Variants in PHLPP2 observed in about 807,000 individuals in gnomAD.
The protein encoded by PHLPP2 is PH domain and leucine rich repeat protein phosphatase 2, also known as PH domain leucine-rich repeat-containing protein phosphatase 2.
Under a neutral mutation model 124.9 loss-of-function variants are expected in PHLPP2, and 66 were observed. That is an observed-to-expected ratio of 0.53 (90% CI 0.43 to 0.65). PHLPP2 has a LOEUF of 0.65. Among genes scored for constraint, PHLPP2 ranks in the 30% least tolerant of loss-of-function variants. The probability of loss-of-function intolerance (pLI) is 0.00; values close to 1 mark genes in which losing one functional copy is unlikely to be tolerated. For missense variants in PHLPP2, 1,685 were observed against 1,600.4 expected (o/e 1.05, Z -0.90); for synonymous variants, 681 against 624.7 (o/e 1.09, Z -1.34).
intron 2 of PHLPP2, among the ~76,000 whole-genome samples, chr16:71,708,562 G>A (rs1163287095): frequency 2.0e-5 from 3 of 152,102 alleles, no homozygotes; most frequent in Non-Finnish European, 2.9e-5. Flanking sequence ...CTCTTCGCAC[G>A]GATGTCCCTG....
intron 3 of PHLPP2, among the ~76,000 whole-genome samples, chr16:71,696,598 G>A (rs955376348): frequency 6.6e-6 from 1 of 150,812 alleles, no homozygotes; most frequent in Non-Finnish European, 1.5e-5. Context: ...GATTGCACCC[G>A]GCCTAGACGA....
intron 3 of PHLPP2, among the ~76,000 whole-genome samples, chr16:71,695,357 G>C (rs906551538): frequency 3.3e-5 from 5 of 152,196 alleles, no homozygotes; most frequent in African/African-American, 1.2e-4. Flanking sequence ...CCATCACTAA[G>C]GAGATGGTTA....
intron 16 of PHLPP2, 74 bp from the exon 17 acceptor site, chr16:71,655,508 T>G: frequency 8.8e-7 from 1 of 1,135,934 alleles, no homozygotes; most frequent in East Asian, 2.5e-5. Flanking sequence ...GCATTCTTTT[T>G]TTTTTTTTTT....
Position 71,658,302 on chromosome 16 carries a change from G to A in PHLPP2, c.2210C>T (p.Thr737Ile), listed in dbSNP as rs1596990040. Residue 737 changes from threonine (T) to isoleucine (I), a missense_variant, in exon 15 of 19, where the codon ACA (threonine) becomes ATA (isoleucine). Coordinates refer to ENST00000568954, the MANE Select transcript of PHLPP2 (RefSeq NM_015020.3). ...TCCAGTCAGGTCAAGGTCTTGTAAT[G>A]TAGCAGGCAAAGCCTCTGGAATCAG... ...EILIPEALPA[T>I]LQDLDLTGNT... 6.2e-7 allele frequency: 1 copy of A among 1,613,526 alleles called. No individual in the cohort carries two copies. Among genetic ancestry groups the A allele is most frequent in the Non-Finnish European group, 8.5e-7 (1 of 1,179,470 alleles).
intron 12 of PHLPP2, among the ~76,000 whole-genome samples, chr16:71,666,841 C>T (rs1295671502): frequency 6.6e-6 from 1 of 152,044 alleles, no homozygotes; most frequent in Non-Finnish European, 1.5e-5. Context: ...TCAAAATTGC[C>T]CAAAGAAGCC....
rs1314706880 is a variant in PHLPP2 at position 71,648,645 on chromosome 16, G to C, written c.*245C>G. On this transcript the variant is annotated 3_prime_UTR_variant, in exon 19 of 19. Coordinates refer to ENST00000568954, the MANE Select transcript of PHLPP2 (RefSeq NM_015020.3). Reference sequence around the variant, plus strand: ...AACTTAGCCGGGCATAATGGCAGGTGCCTGTAATCCCAGCTACTCGGGAGG... The same window carrying C: ...AACTTAGCCGGGCATAATGGCAGGTCCCTGTAATCCCAGCTACTCGGGAGG... 4.1e-6 allele frequency: 2 copies of C among 483,596 alleles called. No homozygotes were observed. Among genetic ancestry groups the C allele is most frequent in the African/African-American group, 3.9e-5 (2 of 51,932 alleles). The allele number at this position is 483,596 out of a possible 1,614,324, so 30.0% of individuals were successfully genotyped here.
In PHLPP2 at chr16:71,649,156, A is replaced by T. The variant is rs1360481815; in HGVS notation, c.3706T>A (p.Tyr1236Asn). ...LQKSPSTSCLYGKKLSNGSIV... is the reference protein window; with the variant it reads ...LQKSPSTSCLNGKKLSNGSIV... ...GAGCCATTGGAGAGTTTCTTCCCAT[A>T]GAGGCAGGAGGTGGAGGGAGACTTC... Residue 1236 changes from tyrosine (Y) to asparagine (N), a missense_variant, in exon 19 of 19, where the codon TAT (tyrosine) becomes AAT (asparagine). Tyr to Asn is a moderately radical substitution (Grantham distance 143, BLOSUM62 -2). Coordinates refer to ENST00000568954, the MANE Select transcript of PHLPP2 (RefSeq NM_015020.3). 1 of 1,614,130 alleles carries T rather than the reference A, an allele frequency of 6.2e-7. No individual in the cohort carries two copies.
intron 2 of PHLPP2, among the ~76,000 whole-genome samples, chr16:71,708,392 T>C (rs1020014347): frequency 1.3e-5 from 2 of 152,104 alleles, no homozygotes; most frequent in Admixed American, 1.3e-4. Context: ...CCCCCAACCC[T>C]GCCCGCAAGA....
chr16:71,671,718 T>C (rs897363341), intron 10 of PHLPP2, among the ~76,000 whole-genome samples: 5 of 151,678 alleles, frequency 3.3e-5, no homozygotes, highest in African/African-American at 1.2e-4. Flanking sequence ...ATCCAGACCA[T>C]CCTGGCTAAT....
rs780122420 is a variant in PHLPP2, at chr16:71,656,640, G to C, written c.2321C>G (p.Thr774Ser). ...GGTTGACGTAACTGTAGAATCTGTG[G>C]TTGGCAAAGGTTTCTGATCAATTTT... is the stretch of plus-strand genomic sequence containing the variant. ...TLKIDQKPLP[T>S]TDSTVTSTFW... The change falls in exon 16 of 19, where the codon ACC (threonine) becomes AGC (serine). Residue 774 changes from threonine to serine, a missense_variant. Thr to Ser is a moderately conservative substitution (Grantham distance 58). Transcript: ENST00000568954. 8 of 1,613,606 alleles carry C rather than the reference G, an allele frequency of 5.0e-6. No individual in the cohort carries two copies. The highest frequency in any genetic ancestry group is 4.5e-5 in the East Asian group (2 of 44,874).
chr16:71,665,013 T>C (rs2044826234), intron 12 of PHLPP2, among the ~76,000 whole-genome samples: 1 of 151,806 alleles, frequency 6.6e-6, no homozygotes, highest in South Asian at 2.1e-4. Flanking sequence ...AAAGAGTATA[T>C]GAAATTATAC....
intron 3 of PHLPP2, among the ~76,000 whole-genome samples, chr16:71,696,979 T>C (rs1356509859): frequency 6.6e-6 from 1 of 151,912 alleles, no homozygotes; most frequent in Admixed American, 6.6e-5. Flanking sequence ...ATTCGAGACC[T>C]GGCCAACATG....
intron 2 of PHLPP2, among the ~76,000 whole-genome samples, chr16:71,707,047 G>C (rs1010866429): frequency 6.1e-5 from 9 of 148,554 alleles, no homozygotes; most frequent in Non-Finnish European, 1.0e-4. Flanking sequence ...TCCGCCCCCT[G>C]GGGTTCACGC....
In PHLPP2 at chr16:71,704,307, C is replaced by CAAAAAAAAAAAA. The variant is rs56882820; in HGVS notation, c.285-1588_285-1577dup. Among the ~76,000 whole-genome samples the CAAAAAAAAAAAA allele has an allele frequency of 1.9e-3, 192 of 98,674 alleles. 2 individuals carry two copies. Among genetic ancestry groups the CAAAAAAAAAAAA allele is most frequent in the African/African-American group, 7.7e-3 (187 of 24,208 alleles). The allele number at this position is 98,674 out of a possible 152,430, so 64.7% of individuals were successfully genotyped here. A position where few individuals can be genotyped will look rare whatever the true frequency, so the allele number is the denominator to read the frequency against. On this transcript the variant is annotated intron_variant, in intron 2 of 18. Transcript: ENST00000568954. ...CCTGGGCGACAGTGAGACTCTGTCT[C>CAAAAAAAAAAAA]AAAAAAAAAAAAAAAAAACTTAATA...
intron 9 of PHLPP2, among the ~76,000 whole-genome samples, chr16:71,673,987 T>C (rs921835810): frequency 2.0e-5 from 3 of 152,134 alleles, no homozygotes; most frequent in African/African-American, 7.2e-5. Context: ...AGTTTACAGA[T>C]ACAGAAAAAT....
At chr16:71,679,048 G>T in intron 7 of PHLPP2, 63 bp from the exon 8 acceptor site, 1 of 891,302 alleles carries the variant, frequency 1.1e-6, no homozygotes, top group South Asian at 1.5e-5. Context: ...CACAGAATCA[G>T]AGTTAGGGAT....
At chr16:71,683,081 G>A (rs1043704038) in intron 5 of PHLPP2, among the ~76,000 whole-genome samples, 22 of 151,974 alleles carry the variant, frequency 1.4e-4, no homozygotes, top group African/African-American at 4.6e-4. Flanking sequence ...TGAGGCAGGA[G>A]AACTGCTTGA....
intron 2 of PHLPP2, among the ~76,000 whole-genome samples, chr16:71,708,272 A>C (rs752148972): frequency 7.2e-5 from 11 of 152,310 alleles, no homozygotes; most frequent in Middle Eastern, 3.4e-3. Flanking sequence ...CTGAAGAACC[A>C]CAAGAGAAGT....
chr16:71,674,640 C>G (rs1483762904), intron 9 of PHLPP2, among the ~76,000 whole-genome samples: 3 of 152,152 alleles, frequency 2.0e-5, no homozygotes, highest in Admixed American at 6.5e-5. Context: ...TTCATTTTCA[C>G]TGCTGTGCAA....
Sources: gnomAD v4.1 joint callset for allele counts (sites outside exome capture counted in the v4.1 genomes callset) on GRCh38, gnomAD v4.1.1 for gene constraint, MANE v1.5 for transcripts, NCBI Gene and HGNC (gene_info 2026-07-23, HGNC 2026-07-21) for gene names.